Variants in CYP4F3 observed in about 807,000 individuals in gnomAD.
CYP4F3 encodes the protein cytochrome P450 4F3.
In CYP4F3, 50 loss-of-function variants were observed where a neutral mutation model predicts 54.8. The observed-to-expected ratio is 0.91, with a 90% CI of 0.73 to 1.16. The LOEUF is 1.16. CYP4F3 is among the 50% of genes most tolerant of loss of function. The pLI is 0.00. For missense variants in CYP4F3, 715 were observed against 676.2 expected, an observed-to-expected ratio of 1.06 and a Z score of -0.64; for synonymous variants, 244 against 262.6, an observed-to-expected ratio of 0.93 and a Z score of 0.69.
intron 9 of CYP4F3, among the ~76,000 whole-genome samples, chr19:15,656,123 A>C (rs536323728): frequency 2.0e-4 from 30 of 148,498 alleles, no homozygotes; most frequent in African/African-American, 6.4e-4. Context: ...TCCTATTTCT[A>C]TGAGCTCAAC....
chr19:15,652,058 TAGAG>T (rs28371482), intron 7 of CYP4F3, among the ~76,000 whole-genome samples: 1 of 150,382 alleles, frequency 6.6e-6, no homozygotes, highest in African/African-American at 2.4e-5. Context: ...ACATTTTCTA[TAGAG>T]AGAGAGAGAG....
rs768858084 is a variant in CYP4F3, at chr19:15,652,634, G to C, written c.984G>C (p.Glu328Asp). Residue 328 changes from glutamate (E) to aspartate (D), a missense_variant and splice_region_variant, in exon 8 of 13, where the codon GAG (glutamate) becomes GAC (aspartate). Physicochemically the swap from Glu to Asp is conservative, Grantham distance 45. Transcript: ENST00000221307. ...IRAEADTFMF[E>D]GHDTTASGLS... The stretch of plus-strand genomic sequence containing the variant: ...CAGAAGCTGACACCTTTATGTTTGA[G>C]GGTGAGGGCCCCAGTGTGGGGCTAG... 3 of 1,614,078 alleles carry C rather than the reference G, an allele frequency of 1.9e-6. No homozygotes were observed. Among genetic ancestry groups the C allele is most frequent in the African/African-American group, 2.7e-5 (2 of 74,924 alleles).
intron 9 of CYP4F3, among the ~76,000 whole-genome samples, chr19:15,656,513 CTATCTATCTAT>C (rs200520807): frequency 0.22 from 15,308 of 69,214 alleles, 951 homozygotes; most frequent in African/African-American, 0.38. Flanking sequence ...ATCTATCTAT[CTATCTATCTAT>C]TTCTATCATC....
At chr19:15,643,433 G>C (rs551641613) in intron 2 of CYP4F3, among the ~76,000 whole-genome samples, 176 of 152,110 alleles carry the variant, frequency 1.2e-3, no homozygotes, top group African/African-American at 4.1e-3. Flanking sequence ...TAGATAGATA[G>C]ATAGATAGAT....
chr19:15,644,582 G>C (rs2077080), intron 2 of CYP4F3, among the ~76,000 whole-genome samples: 69,735 of 151,884 alleles, frequency 0.46, 17,279 homozygotes, highest in East Asian at 0.68. Flanking sequence ...TGTCACAAAG[G>C]TTAGAACAAT....
At chr19:15,652,704 C>T (rs1490659190) in intron 8 of CYP4F3, 69 bp downstream of exon 8, 1 of 1,611,432 alleles carries the variant, frequency 6.2e-7, no homozygotes, top group East Asian at 2.2e-5. Flanking sequence ...GGTGGGTGGA[C>T]CCCTCGCACT....
At chr19:15,656,524 T>TCTATCTATC (rs60912344) in intron 9 of CYP4F3, among the ~76,000 whole-genome samples, 3,959 of 70,600 alleles carry the variant, frequency 0.056, 87 homozygotes, top group African/African-American at 0.085. Flanking sequence ...TATCTATCTA[T>TCTATCTATC]TTCTATCATC....
chr19:15,658,422 C>T, intron 10 of CYP4F3, 25 bp downstream of exon 10: 1 of 1,613,410 alleles, frequency 6.2e-7, no homozygotes, highest in Non-Finnish European at 8.5e-7. Context: ...GGGGGAGGAG[C>T]CTCCTGGGTA....
chr19:15,649,935 G>A lies in CYP4F3; in HGVS notation c.670G>A (p.Ala224Thr), dbSNP rs776041725. Reference sequence around the variant, plus strand: ...CAGGAAGCCCAGTGAATATATTGCCGCCATCTTGGAGCTCAGTGCCCTTGT... The same window carrying A: ...CAGGAAGCCCAGTGAATATATTGCCACCATCTTGGAGCTCAGTGCCCTTGT... ...CQEKPSEYIA[A>T]ILELSALVTK... Residue 224 changes from alanine to threonine, a missense_variant, in exon 7 of 13, where the codon GCC becomes ACC. Ala to Thr is a moderately conservative substitution (Grantham distance 58). Transcript: ENST00000221307. 65 of 1,613,742 alleles carry A rather than the reference G, an allele frequency of 4.0e-5. No individual in the cohort carries two copies. Among genetic ancestry groups the A allele is most frequent in the Admixed American group, 6.7e-5 (4 of 59,970 alleles).
At chr19:15,644,117 C>T in intron 2 of CYP4F3, 1 of 1,456,146 alleles carries the variant, frequency 6.9e-7, no homozygotes, top group South Asian at 1.5e-5. Context: ...CCCTCTATCC[C>T]CAAGCCGTGT....
chr19:15,641,709 C>T (rs554263464), intron 2 of CYP4F3, 96 bp downstream of exon 2: 11 of 552,552 alleles, frequency 2.0e-5, no homozygotes, highest in Middle Eastern at 6.3e-4. Context: ...GGGCTGGGGT[C>T]TGGGGTGGCA....
At chr19:15,653,119 C>A (rs2683040) in intron 9 of CYP4F3, among the ~76,000 whole-genome samples, 167 bp downstream of exon 9, 1 of 151,904 alleles carries the variant, frequency 6.6e-6, no homozygotes, top group African/African-American at 2.4e-5. Context: ...ACTGTCTGGG[C>A]AAAGGTTATA....
chr19:15,652,732 C>A (rs950123735), intron 8 of CYP4F3, 91 bp from the exon 9 acceptor site: 2 of 1,606,460 alleles, frequency 1.2e-6, no homozygotes, highest in Admixed American at 3.4e-5. Flanking sequence ...CCCCTTCCCC[C>A]ATCCTCCCTG....
intron 9 of CYP4F3, among the ~76,000 whole-genome samples, chr19:15,653,783 A>C (rs1400505358): frequency 7.5e-6 from 1 of 134,166 alleles, no homozygotes; most frequent in Non-Finnish European, 1.6e-5. Context: ...AGAGAGAGAG[A>C]GAGCAGGGTC....
At chr19:15,654,689 A>T (rs2144667559) in intron 9 of CYP4F3, among the ~76,000 whole-genome samples, 1 of 152,364 alleles carries the variant, frequency 6.6e-6, no homozygotes, top group East Asian at 1.9e-4. Context: ...ACAAAATTTC[A>T]GTCTTTTAAA....
intron 1 of CYP4F3, 87 bp from the exon 2 acceptor site, chr19:15,641,328 G>A (rs543648536): frequency 2.7e-5 from 40 of 1,506,342 alleles, no homozygotes; most frequent in East Asian, 9.1e-5. Context: ...AGCACTGCCC[G>A]TCTCTGCCTC....
chr19:15,645,135 C>T (rs1353104761), intron 2 of CYP4F3, among the ~76,000 whole-genome samples: 5 of 152,170 alleles, frequency 3.3e-5, no homozygotes, highest in Non-Finnish European at 1.5e-5. Flanking sequence ...CAGTCTTTCC[C>T]TCATGACGTC....
rs201583664 is a variant in CYP4F3, at chr19:15,641,632, C to T, written c.198+19C>T. 155 of 1,360,222 alleles carry T rather than the reference C, an allele frequency of 1.1e-4. No individual in the cohort carries two copies. The highest frequency in any genetic ancestry group is 1.3e-4 in the Non-Finnish European group (137 of 1,021,576). The allele number at this position is 1,360,222 out of a possible 1,614,324, so 84.3% of individuals were successfully genotyped here. A position where few individuals can be genotyped will look rare whatever the true frequency, so the allele number is the denominator to read the frequency against. ...GGGCCTGGTGAGTGTGGCAGCAGGACGGGTCTGGGGTCTCAGGGTGGATGG... is the reference window on the plus strand; with the variant it reads ...GGGCCTGGTGAGTGTGGCAGCAGGATGGGTCTGGGGTCTCAGGGTGGATGG... On this transcript the variant is annotated intron_variant, in intron 2 of 12. Transcript: ENST00000221307.
At chr19:15,654,548 A>G (rs1210698530) in intron 9 of CYP4F3, among the ~76,000 whole-genome samples, 2 of 151,990 alleles carry the variant, frequency 1.3e-5, no homozygotes, top group Admixed American at 1.3e-4. Context: ...CTGCCAATCT[A>G]TCTTCTTTTT....
Sources: gnomAD v4.1 joint callset for allele counts (sites outside exome capture counted in the v4.1 genomes callset) on GRCh38, gnomAD v4.1.1 for gene constraint, MANE v1.5 for transcripts, NCBI Gene and HGNC (gene_info 2026-07-23, HGNC 2026-07-21) for gene names.